The following MAST3 variants were observed in gnomAD, a reference collection of about 807,000 sequenced individuals.
The protein encoded by MAST3 is microtubule-associated serine/threonine-protein kinase 3.
MAST3 carries 43 observed loss-of-function variants against 127.0 expected under a neutral mutation model. The ratio of observed to expected loss-of-function variants is 0.34; its 90% CI spans 0.27 to 0.44. MAST3 has a LOEUF of 0.44. MAST3 is among the 20% of genes least tolerant of loss of function. The pLI is 1.00. For synonymous variants in MAST3, 785 were observed against 809.2 expected, an observed-to-expected ratio of 0.97 and a Z score of 0.51; for missense variants, 1,390 against 1,919.1, an observed-to-expected ratio of 0.72 and a Z score of 5.15.
intron 15 of MAST3, 61 bp downstream of exon 15, chr19:18,132,108 G>A (rs1285235672): frequency 2.5e-6 from 4 of 1,596,064 alleles, no homozygotes; most frequent in African/African-American, 1.3e-5. Context: ...GATCAGGGGC[G>A]GGGCCAAAGA....
chr19:18,105,364 TAAACAAAC>T (rs947000133), intron 1 of MAST3, among the ~76,000 whole-genome samples: 2 of 151,492 alleles, frequency 1.3e-5, no homozygotes, highest in African/African-American at 4.9e-5. Flanking sequence ...AGACTCCATC[TAAACAAAC>T]AAACAAACAA....
intron 3 of MAST3, among the ~76,000 whole-genome samples, chr19:18,115,891 C>T (rs1378345380): frequency 1.3e-5 from 2 of 152,196 alleles, no homozygotes; most frequent in Admixed American, 1.3e-4. Flanking sequence ...TGGTCAGCCC[C>T]GCTGGCATTT....
At chr19:18,121,237 C>T (rs1342335925) in intron 3 of MAST3, among the ~76,000 whole-genome samples, 1 of 151,938 alleles carries the variant, frequency 6.6e-6, no homozygotes, top group Non-Finnish European at 1.5e-5. Flanking sequence ...CTCACGGCAG[C>T]CTTGACCTCC....
Position 18,142,794 on chromosome 19 carries a change from C to T in MAST3, c.2339+779C>T, listed in dbSNP as rs150943657. 2.7e-3 allele frequency among the ~76,000 whole-genome samples: 405 copies of T among 151,940 alleles called. 1 individual carries two copies. The highest frequency in any genetic ancestry group is 8.5e-3 in the African/African-American group (351 of 41,490). On this transcript the variant is annotated intron_variant, in intron 21 of 27. Coordinates refer to ENST00000687212, the MANE Select transcript of MAST3 (RefSeq NM_001393504.1). ...TAGCTGGGACTACAGGCGTGCACCA[C>T]GGCACCCGGCTAATTTTTTAAGCAA...
chr19:18,138,956 C>A, intron 19 of MAST3, 59 bp from the exon 20 acceptor site: 1 of 1,192,484 alleles, frequency 8.4e-7, no homozygotes, highest in Non-Finnish European at 1.2e-6. Flanking sequence ...TATTGCCACA[C>A]CGCCCTTGAG....
chr19:18,144,138 G>C lies in MAST3; in HGVS notation c.2584+131G>C. ...AAAGGCTTTAAGAGAGGAGAAGCCA[G>C]GGTCCCAGAGAGACCCCCAGCCCCC... On this transcript the variant is annotated intron_variant, in intron 22 of 27. Coordinates refer to ENST00000687212, the MANE Select transcript of MAST3 (RefSeq NM_001393504.1). This position sits in a 1 kb window ranked among gnomAD's most constrained non-coding sequence, Gnocchi z 4.0. The C allele has an allele frequency of 7.6e-7, 1 of 1,310,938 alleles. No homozygotes were observed. The highest frequency in any genetic ancestry group is 1.0e-6 in the Non-Finnish European group (1 of 982,426). 81.2% of individuals were successfully genotyped at this position (1,310,938 alleles called of 1,614,324 possible). A position where few individuals can be genotyped will look rare whatever the true frequency, so the allele number is the denominator to read the frequency against.
chr19:18,108,440 C>T (rs2038241963), intron 2 of MAST3, among the ~76,000 whole-genome samples: 1 of 151,306 alleles, frequency 6.6e-6, no homozygotes, highest in Admixed American at 6.6e-5. Flanking sequence ...GTAGTGTCAT[C>T]TTGGCTCACT....
intron 3 of MAST3, among the ~76,000 whole-genome samples, chr19:18,118,799 ACTCAGCCACT>A (rs2039609596): frequency 6.6e-6 from 1 of 151,952 alleles, no homozygotes; most frequent in Non-Finnish European, 1.5e-5. Context: ...TCAAATTTCG[ACTCAGCCACT>A]ACCAGGCTGT....
chr19:18,132,413 A>G (rs2041414688), intron 15 of MAST3, among the ~76,000 whole-genome samples: 1 of 152,176 alleles, frequency 6.6e-6, no homozygotes, highest in African/African-American at 2.4e-5. Context: ...AGGGGAGAGA[A>G]CATGCACTTA....
chr19:18,103,211 C>G (rs912104594), intron 1 of MAST3, among the ~76,000 whole-genome samples: 18 of 151,978 alleles, frequency 1.2e-4, no homozygotes, highest in Admixed American at 1.1e-3. Context: ...CAGGGAGCTG[C>G]CGATTTTGCC....
In MAST3 at chr19:18,143,957, A is replaced by AC; in HGVS notation, c.2540dup (p.Pro848ThrfsTer29). ...CCCGTCTTCATTCTAGGGGAGCCTG[A>AC]CCCCCCACCAGCGGCCACCCCAGTG... On this transcript the variant is annotated frameshift_variant, in exon 22 of 28. Transcript: ENST00000687212. LOFTEE classifies it high-confidence loss of function. The AC allele has an allele frequency of 1.2e-6, 2 of 1,600,738 alleles. No homozygotes were observed. Among genetic ancestry groups the AC allele is most frequent in the South Asian group, 1.1e-5 (1 of 89,254 alleles).
At chr19:18,113,202 G>A (rs1047124208) in intron 3 of MAST3, among the ~76,000 whole-genome samples, 1 of 152,120 alleles carries the variant, frequency 6.6e-6, no homozygotes, top group Non-Finnish European at 1.5e-5. Context: ...CCTGGCGGGG[G>A]AATGGGTCCC....
chr19:18,118,237 G>A, intron 3 of MAST3: 4 of 985,438 alleles, frequency 4.1e-6, no homozygotes, highest in Non-Finnish European at 4.8e-6. Context: ...AAGGCGCGCT[G>A]CTGCAGCGCT....
chr19:18,124,153 G>A lies in MAST3; in HGVS notation c.843+5G>A, dbSNP rs749422924. ...CTGGAGCGGCTTCTGCAGGATGTGCGTGGTTTTTCGCATGTTGAGGTTTTG... is the reference window on the plus strand; with the variant it reads ...CTGGAGCGGCTTCTGCAGGATGTGCATGGTTTTTCGCATGTTGAGGTTTTG... On this transcript the variant is annotated splice_donor_5th_base_variant and intron_variant, in intron 9 of 27. Coordinates refer to ENST00000687212, the MANE Select transcript of MAST3 (RefSeq NM_001393504.1). 1.2e-6 allele frequency: 2 copies of A among 1,606,396 alleles called. No individual in the cohort carries two copies. Among genetic ancestry groups the A allele is most frequent in the East Asian group, 2.2e-5 (1 of 44,518 alleles).
At chr19:18,108,559 G>A (rs1044099770) in intron 2 of MAST3, among the ~76,000 whole-genome samples, 10 of 151,878 alleles carry the variant, frequency 6.6e-5, no homozygotes, top group African/African-American at 2.2e-4. Flanking sequence ...GTAGAGACAG[G>A]GTCTCACTAT....
Position 18,145,784 on chromosome 19 carries a change from G to T in MAST3, c.3081G>T (p.Arg1027=), listed in dbSNP as rs760264215. ...DGSPAQEAGL[R]AGDLITHING... The stretch of plus-strand genomic sequence containing the variant: ...GCCCCGCCCAGGAGGCGGGCCTGCG[G>T]GCTGGGGACCTCATCACCCACATCA... The change falls in exon 25 of 28, where the codon CGG becomes CGT. Residue 1027 remains arginine (R), a synonymous_variant. Transcript: ENST00000687212. The surrounding 1 kb of genome is among the most constrained non-coding windows in gnomAD (Gnocchi z 5.9). 1.3e-6 allele frequency: 2 copies of T among 1,592,830 alleles called. No individual in the cohort carries two copies. The highest frequency in any genetic ancestry group is 1.7e-6 in the Non-Finnish European group (2 of 1,172,700).
intron 2 of MAST3, among the ~76,000 whole-genome samples, chr19:18,109,426 G>T (rs1007705134): frequency 6.6e-6 from 1 of 152,146 alleles, no homozygotes; most frequent in African/African-American, 2.4e-5. Flanking sequence ...GTGTTGGACC[G>T]TGAATCAATG....
intron 1 of MAST3, among the ~76,000 whole-genome samples, chr19:18,105,165 G>A (rs1232515424): frequency 6.6e-6 from 1 of 151,736 alleles, no homozygotes; most frequent in African/African-American, 2.4e-5. Context: ...TCAGGAGTTC[G>A]AGACCAGCCT....
In MAST3 at chr19:18,112,456, T is replaced by C. The variant is rs899993746; in HGVS notation, c.161+1715T>C. Among the ~76,000 whole-genome samples the C allele has an allele frequency of 1.3e-5, 2 of 152,146 alleles. No individual in the cohort carries two copies. The highest frequency in any genetic ancestry group is 2.9e-5 in the Non-Finnish European group (2 of 68,032). ...TTCAGGTGATTCTCCTGCCTCAGCC[T>C]CCCAAGTAGCTGGGATTACAGGCAC... On this transcript the variant is annotated intron_variant, in intron 3 of 27. Coordinates refer to ENST00000687212, the MANE Select transcript of MAST3 (RefSeq NM_001393504.1). This position sits in a 1 kb window ranked among gnomAD's most constrained non-coding sequence, Gnocchi z 4.1.
Sources: allele counts gnomAD v4.1 joint callset (sites outside exome capture counted in the v4.1 genomes callset), GRCh38; gene constraint gnomAD v4.1.1; non-coding constraint Gnocchi (gnomAD v3.1); transcripts MANE v1.5; gene names NCBI Gene and HGNC (gene_info 2026-07-23, HGNC 2026-07-21).